TMCC3: variants seen among roughly 807,000 people sequenced by gnomAD.
The protein encoded by TMCC3 is transmembrane and coiled-coil domain family 3.
A neutral mutation model predicts 40.2 loss-of-function variants in TMCC3; 28 were observed. That is an observed-to-expected ratio of 0.70 (90% CI 0.52 to 0.95). TMCC3 has a LOEUF of 0.95. Ranked by LOEUF, TMCC3 falls within the 40% of genes least tolerant of loss-of-function variation. The probability of loss-of-function intolerance (pLI) is 0.00; values close to 1 mark genes in which losing one functional copy is unlikely to be tolerated. For synonymous variants in TMCC3, 255 were observed against 248.5 expected (o/e 1.03, Z -0.25); for missense variants, 554 against 615.2 (o/e 0.90, Z 1.05).
chr12:94,642,716 T>C (rs1309229778), intron 1 of TMCC3, among the ~76,000 whole-genome samples: 2 of 152,250 alleles, frequency 1.3e-5, no homozygotes, highest in Non-Finnish European at 2.9e-5. Flanking sequence ...ACACCACTGT[T>C]ACATACTGTT....
intron 1 of TMCC3, among the ~76,000 whole-genome samples, chr12:94,640,877 G>A (rs1353265561): frequency 1.3e-5 from 2 of 152,156 alleles, no homozygotes; most frequent in Non-Finnish European, 2.9e-5. Context: ...GGGGCAACGA[G>A]GAAAAGACAG....
intron 1 of TMCC3, among the ~76,000 whole-genome samples, chr12:94,596,153 C>T (rs1375655730): frequency 6.6e-6 from 1 of 152,178 alleles, no homozygotes; most frequent in African/African-American, 2.4e-5. Context: ...CAGGTCCATC[C>T]ATCCTGATGT....
At chr12:94,616,782 A>G (rs960113116) in intron 1 of TMCC3, among the ~76,000 whole-genome samples, 4 of 152,246 alleles carry the variant, frequency 2.6e-5, no homozygotes, top group African/African-American at 9.6e-5. Flanking sequence ...GACTTGGTGC[A>G]GTTGAAGACT....
intron 1 of TMCC3, among the ~76,000 whole-genome samples, chr12:94,601,682 C>T (rs2138850376): frequency 6.6e-6 from 1 of 151,398 alleles, no homozygotes; most frequent in African/African-American, 2.4e-5. Context: ...GTGGTGCACA[C>T]CTGTAATGCC....
chr12:94,631,031 C>T (rs1321526828), intron 1 of TMCC3, among the ~76,000 whole-genome samples: 4 of 152,198 alleles, frequency 2.6e-5, no homozygotes, highest in African/African-American at 7.2e-5. Context: ...GCGTGAGCCA[C>T]GGTGCCCGGC....
chr12:94,610,768 T>C lies in TMCC3; in HGVS notation c.79-28230A>G, dbSNP rs185473596. Among the ~76,000 whole-genome samples, 4 of 152,342 alleles carry C rather than the reference T, an allele frequency of 2.6e-5. No individual in the cohort carries two copies. In the East Asian group the frequency reaches 7.7e-4, roughly 29 times the overall value. On this transcript the variant is annotated intron_variant, in intron 1 of 3. Transcript: ENST00000261226. Reference sequence around the variant, plus strand: ...AAGCAAGACGCAGGGCTATGCCTACTGTGCACGCTCATCTGTGCTTAAACG... The same window carrying C: ...AAGCAAGACGCAGGGCTATGCCTACCGTGCACGCTCATCTGTGCTTAAACG...
At chr12:94,584,149 G>C (rs978844564) in intron 1 of TMCC3, among the ~76,000 whole-genome samples, 2 of 152,138 alleles carry the variant, frequency 1.3e-5, no homozygotes, top group Non-Finnish European at 2.9e-5. Context: ...TGTTGGAGGT[G>C]AGGCCTGGTG....
chr12:94,617,042 T>C (rs1225750971), intron 1 of TMCC3, among the ~76,000 whole-genome samples: 1 of 152,098 alleles, frequency 6.6e-6, no homozygotes, highest in Non-Finnish European at 1.5e-5. Flanking sequence ...GAGAGGTCTA[T>C]GAAGGAGGTG....
chr12:94,612,571 A>G (rs2068822947), intron 1 of TMCC3, among the ~76,000 whole-genome samples: 1 of 152,158 alleles, frequency 6.6e-6, no homozygotes, highest in Non-Finnish European at 1.5e-5. Context: ...CGGCCCCCAA[A>G]GTGCTGGGAT....
intron 1 of TMCC3, among the ~76,000 whole-genome samples, chr12:94,600,041 G>A (rs182199749): frequency 1.2e-4 from 18 of 152,230 alleles, no homozygotes; most frequent in Middle Eastern, 3.4e-3. Context: ...AGGAGTGGTG[G>A]TGGGGGAAGA....
intron 1 of TMCC3, among the ~76,000 whole-genome samples, chr12:94,630,240 G>A (rs2068925318): frequency 1.5e-5 from 2 of 136,656 alleles, no homozygotes; most frequent in African/African-American, 5.6e-5. Context: ...GGGTGATAGA[G>A]AGCAAGACTC....
intron 1 of TMCC3, among the ~76,000 whole-genome samples, chr12:94,629,588 A>G (rs2068921682): frequency 6.6e-6 from 1 of 152,020 alleles, no homozygotes; most frequent in South Asian, 2.1e-4. Flanking sequence ...TTCTACTGAG[A>G]CCTCACGATC....
At chr12:94,604,763 C>T (rs1159387899) in intron 1 of TMCC3, among the ~76,000 whole-genome samples, 1 of 126,928 alleles carries the variant, frequency 7.9e-6, no homozygotes, top group Non-Finnish European at 1.5e-5. Context: ...ATGATTGTGC[C>T]ATTGCACTTC....
chr12:94,623,962 T>C (rs1338817062), intron 1 of TMCC3, among the ~76,000 whole-genome samples: 1 of 152,272 alleles, frequency 6.6e-6, no homozygotes, highest in Non-Finnish European at 1.5e-5. Context: ...AAAGTTATAA[T>C]TTATATTATT....
At chr12:94,614,097 G>GAAAA (rs10696282) in intron 1 of TMCC3, among the ~76,000 whole-genome samples, 8 of 98,486 alleles carry the variant, frequency 8.1e-5, no homozygotes, top group African/African-American at 1.2e-4. Flanking sequence ...TCCATCTCCA[G>GAAAA]AAAAAAAAAA....
intron 1 of TMCC3, chr12:94,644,426 G>T: frequency 1.0e-6 from 1 of 985,384 alleles, no homozygotes; most frequent in Non-Finnish European, 1.2e-6. Context: ...CCGGCAGAGG[G>T]TCTGAAGCAA....
chr12:94,631,434 A>C (rs1165015446), intron 1 of TMCC3, among the ~76,000 whole-genome samples: 1 of 152,204 alleles, frequency 6.6e-6, no homozygotes, highest in Non-Finnish European at 1.5e-5. Context: ...TGATGACCTT[A>C]TAAGAAGAGA....
chr12:94,633,755 G>A (rs2068945549), intron 1 of TMCC3, among the ~76,000 whole-genome samples: 1 of 152,064 alleles, frequency 6.6e-6, no homozygotes, highest in Admixed American at 6.5e-5. Context: ...CTCATTTTAG[G>A]CTGTTGTGTA....
chr12:94,626,231 C>T (rs1241328820), intron 1 of TMCC3, among the ~76,000 whole-genome samples: 4 of 152,302 alleles, frequency 2.6e-5, no homozygotes, highest in African/African-American at 4.8e-5. Flanking sequence ...TTCCCTCCCT[C>T]GACATGTGGG....
Sources: gnomAD v4.1 joint callset for allele counts (sites outside exome capture counted in the v4.1 genomes callset) on GRCh38, gnomAD v4.1.1 for gene constraint, MANE v1.5 for transcripts, NCBI Gene and HGNC (gene_info 2026-07-23, HGNC 2026-07-21) for gene names.